RFFL: variants seen among roughly 807,000 people sequenced by gnomAD.
RFFL encodes the protein ring finger and FYVE like domain containing E3 ubiquitin protein ligase, also known as E3 ubiquitin-protein ligase rififylin.
RFFL carries 16 observed loss-of-function variants against 40.4 expected under a neutral mutation model. The observed-to-expected ratio is 0.40, with a 90% confidence interval of 0.27 to 0.60. The LOEUF (loss-of-function observed/expected upper bound fraction) is 0.60, where lower values mean the gene tolerates loss of function less well. Ranked by LOEUF, RFFL falls within the 20% of genes least tolerant of loss-of-function variation. The pLI, the probability that RFFL is intolerant of heterozygous loss-of-function variation, is 0.47. For missense variants in RFFL, 367 were observed against 451.7 expected (o/e 0.81, Z 1.70); for synonymous variants, 154 against 167.9 (o/e 0.92, Z 0.64).
intron 1 of RFFL, among the ~76,000 whole-genome samples, chr17:35,026,856 C>T (rs1466764412): frequency 6.6e-6 from 1 of 152,106 alleles, no homozygotes; most frequent in Non-Finnish European, 1.5e-5. Flanking sequence ...CAGGTGCCCG[C>T]CATCACGCCC....
intron 1 of RFFL, among the ~76,000 whole-genome samples, chr17:35,088,363 G>A (rs1487151775): frequency 6.6e-6 from 1 of 152,126 alleles, no homozygotes; most frequent in African/African-American, 2.4e-5. Flanking sequence ...CAACAAAAAG[G>A]AGAAAATGAT....
chr17:35,009,127 A>ACTT lies in RFFL; in HGVS notation c.*2838_*2840dup, dbSNP rs2090918209. On this transcript the variant is annotated 3_prime_UTR_variant, in exon 7 of 7. Transcript: ENST00000394597. Reference sequence around the variant, plus strand: ...AGACAGGACAGGTGTCTGTATTGAAACTTTATTACAAAATTATAAAGCAGA... The same window carrying ACTT: ...AGACAGGACAGGTGTCTGTATTGAAACTTCTTTATTACAAAATTATAAAGCAGA... 1.3e-5 allele frequency: 2 copies of ACTT among 152,618 alleles called. No individual in the cohort carries two copies. The highest frequency in any genetic ancestry group is 4.8e-5 in the African/African-American group (2 of 41,438). The allele number at this position is 152,618 out of a possible 1,614,324, so 9.5% of individuals were successfully genotyped here.
At chr17:35,049,950 T>C (rs1279105548) in intron 1 of RFFL, among the ~76,000 whole-genome samples, 1 of 151,880 alleles carries the variant, frequency 6.6e-6, no homozygotes, top group African/African-American at 2.4e-5. Flanking sequence ...GGCATGGTGG[T>C]GGGCACCTGT....
rs936215567 is a variant in RFFL at position 35,006,590 on chromosome 17, G to C, written c.*5378C>G. ...GTGTGCATGTCCAGACCCTACCCGG[G>C]AGAAGGGCCTAACCTATGACTTTAG... On this transcript the variant is annotated 3_prime_UTR_variant, in exon 7 of 7. Transcript: ENST00000394597. The C allele has an allele frequency of 2.0e-5, 3 of 152,168 alleles. No homozygotes were observed. The allele number at this position is 152,168 out of a possible 1,614,324, so 9.4% of individuals were successfully genotyped here.
At chr17:35,083,549 G>A (rs2091413123) in intron 1 of RFFL, among the ~76,000 whole-genome samples, 1 of 152,080 alleles carries the variant, frequency 6.6e-6, no homozygotes, top group African/African-American at 2.4e-5. Flanking sequence ...GGGAGGCCAA[G>A]GTAGGCAGAT....
intron 6 of RFFL, among the ~76,000 whole-genome samples, chr17:35,012,712 C>A (rs1283007734): frequency 6.6e-6 from 1 of 152,228 alleles, no homozygotes; most frequent in East Asian, 1.9e-4. Flanking sequence ...CCTGAGGAAA[C>A]TTCCTGGTGG....
intron 1 of RFFL, among the ~76,000 whole-genome samples, chr17:35,084,527 G>T (rs2091419600): frequency 6.6e-6 from 1 of 152,148 alleles, no homozygotes; most frequent in African/African-American, 2.4e-5. Context: ...CTGGGAGGTG[G>T]AGGTTACAGT....
chr17:35,021,227 C>G, intron 3 of RFFL, 144 bp downstream of exon 3: 1 of 785,882 alleles, frequency 1.3e-6, no homozygotes, highest in South Asian at 2.8e-5. Context: ...CCAGAAAACA[C>G]TTGGTGCACC....
chr17:35,012,324 C>T (rs1180011355), intron 6 of RFFL, among the ~76,000 whole-genome samples, 175 bp from the exon 7 acceptor site: 2 of 152,210 alleles, frequency 1.3e-5, no homozygotes, highest in Non-Finnish European at 2.9e-5. Context: ...CCTCAATAAC[C>T]AACTCTGGTT....
Position 35,026,397 on chromosome 17 carries a change from G to C in RFFL, c.157C>G (p.His53Asp). 6.2e-7 allele frequency: 1 copy of C among 1,613,982 alleles called. No individual in the cohort carries two copies. Among genetic ancestry groups the C allele is most frequent in the Non-Finnish European group, 8.5e-7 (1 of 1,179,940 alleles). Residue 53 changes from histidine (H) to aspartate (D), a missense_variant, in exon 2 of 7, where the codon CAC (histidine) becomes GAC (aspartate). Physicochemically the swap from His to Asp is moderately conservative, Grantham distance 81. Transcript: ENST00000394597. ...LEPSCKSCGAHFANTARKQTC... is the reference protein window; with the variant it reads ...LEPSCKSCGADFANTARKQTC... ...ACCTTCCTGGCCGTGTTTGCAAAGT[G>C]AGCCCCACAGGACTTGCAGCTTGGT... is the stretch of plus-strand genomic sequence containing the variant.
At position 35,017,516 on chromosome 17, in the gene RFFL, G is replaced by GC; in HGVS notation, c.675+6dup. 1 of 1,593,236 alleles carries GC rather than the reference G, an allele frequency of 6.3e-7. No homozygotes were observed. The highest frequency in any genetic ancestry group is 1.3e-5 in the African/African-American group (1 of 74,656). On this transcript the variant is annotated splice_region_variant and intron_variant, in intron 4 of 6. Coordinates refer to ENST00000394597, the MANE Select transcript of RFFL (RefSeq NM_001017368.2). The stretch of plus-strand genomic sequence containing the variant: ...GGTGAAGACACAGACCCAAGCAGAG[G>GC]CCCCACCTGGGTCTCATCCTCAGCA...
intron 1 of RFFL, among the ~76,000 whole-genome samples, chr17:35,073,318 T>A (rs1336274949): frequency 6.6e-6 from 1 of 152,136 alleles, no homozygotes; most frequent in Non-Finnish European, 1.5e-5. Context: ...TAGTCCAGAA[T>A]GAATGAACTC....
chr17:35,039,461 G>A (rs8065899), intron 1 of RFFL, among the ~76,000 whole-genome samples: 2 of 151,406 alleles, frequency 1.3e-5, no homozygotes, highest in South Asian at 2.1e-4. Context: ...GTCATGATCC[G>A]CCCACCTCGG....
chr17:35,029,340 GTT>G (rs751041700), intron 1 of RFFL, among the ~76,000 whole-genome samples: 25 of 127,976 alleles, frequency 2.0e-4, no homozygotes, highest in South Asian at 7.5e-4. Flanking sequence ...ATATTTTGTA[GTT>G]TTTTTTTTTT....
intron 1 of RFFL, among the ~76,000 whole-genome samples, chr17:35,047,600 T>C (rs542286628): frequency 6.6e-6 from 1 of 152,246 alleles, no homozygotes; most frequent in South Asian, 2.1e-4. Context: ...TTATTTTACT[T>C]AGTTTTCAGA....
intron 2 of RFFL, among the ~76,000 whole-genome samples, chr17:35,022,444 T>C (rs1226804553): frequency 6.6e-6 from 1 of 152,228 alleles, no homozygotes; most frequent in Non-Finnish European, 1.5e-5. Context: ...ATATGCTAGC[T>C]TGTCATTTAA....
At chr17:35,087,351 CAA>C (rs751264851) in intron 1 of RFFL, among the ~76,000 whole-genome samples, 3 of 131,208 alleles carry the variant, frequency 2.3e-5, no homozygotes, top group Non-Finnish European at 3.3e-5. Context: ...ACTCTGTCTC[CAA>C]AAAAAAAAAA....
rs577713828 is a variant in RFFL at position 35,019,704 on chromosome 17, GTTC to G, written c.591+1664_591+1666del. ...TCTTTACAGAAAAAGAATTCCTCAA[GTTC>G]TTCTCCTGGCTCCTTATACATAGAG... On this transcript the variant is annotated intron_variant, in intron 3 of 6. Coordinates refer to ENST00000394597, the MANE Select transcript of RFFL (RefSeq NM_001017368.2). 3.6e-3 allele frequency among the ~76,000 whole-genome samples: 548 copies of G among 151,558 alleles called. 4 individuals carry two copies. Among genetic ancestry groups the G allele is most frequent in the African/African-American group, 0.013 (532 of 41,264 alleles).
intron 1 of RFFL, chr17:35,036,601 G>A (rs527635840): frequency 2.3e-4 from 35 of 152,354 alleles, no homozygotes; most frequent in African/African-American, 8.4e-4. Flanking sequence ...CTTGTGATAT[G>A]AGGCAAGAAT....
Sources: allele counts gnomAD v4.1 joint callset (sites outside exome capture counted in the v4.1 genomes callset), GRCh38; gene constraint gnomAD v4.1.1; transcripts MANE v1.5; gene names NCBI Gene and HGNC (gene_info 2026-07-23, HGNC 2026-07-21).